Variants in IQCF5 observed in about 807,000 individuals in gnomAD.
The protein encoded by IQCF5 is IQ domain-containing protein F5.
Under a neutral mutation model 3.4 loss-of-function variants are expected in IQCF5, and 2 were observed. That is an observed-to-expected ratio of 0.58 (90% CI 0.24 to 1.84). The LOEUF is 1.84. IQCF5 is among the 40% of genes most tolerant of loss of function. The pLI is 0.17. For synonymous variants in IQCF5, 58 were observed against 64.7 expected, an observed-to-expected ratio of 0.90 and a Z score of 0.49; for missense variants, 167 against 191.6, an observed-to-expected ratio of 0.87 and a Z score of 0.76.
chr3:51,873,979 C>T lies in IQCF5; in HGVS notation c.201G>A (p.Gln67=), dbSNP rs1268545456. 1 of 1,552,200 alleles carries T rather than the reference C, an allele frequency of 6.4e-7. No individual in the cohort carries two copies. Among genetic ancestry groups the T allele is most frequent in the African/African-American group, 1.4e-5 (1 of 73,192 alleles). ...ACTGCAGCCTGACTGCTGCCCATTC[C>T]TGCTGCACATAGAACTCCAACACCA... ...RRMVLEFYVQ[Q]EWAAVRLQSW... Residue 67 remains glutamine (Q), a synonymous_variant, in exon 2 of 2, where the codon CAG becomes CAA. Coordinates refer to ENST00000446461, the MANE Select transcript of IQCF5 (RefSeq NM_001145059.2).
chr3:51,875,089 C>A (rs1698781500), intron 1 of IQCF5: 3 of 216,428 alleles, frequency 1.4e-5, no homozygotes, highest in Non-Finnish European at 2.8e-5. Context: ...TTAAGGCTCT[C>A]TGGACCCAGC....
intron 1 of IQCF5, chr3:51,874,707 A>C: frequency 6.7e-6 from 2 of 300,190 alleles, no homozygotes; most frequent in Non-Finnish European, 6.5e-6. Context: ...TGCACACTCC[A>C]CACACTAACA....
At chr3:51,875,235 A>C in intron 1 of IQCF5, 1 of 476,126 alleles carries the variant, frequency 2.1e-6, no homozygotes, top group Non-Finnish European at 3.8e-6. Flanking sequence ...TTTAATGATC[A>C]TTTAAAACAG....
In IQCF5 at chr3:51,874,171, T is replaced by C; in HGVS notation, c.9A>G (p.Pro3=). 6.5e-7 allele frequency: 1 copy of C among 1,550,114 alleles called. No homozygotes were observed. Among genetic ancestry groups the C allele is most frequent in the Non-Finnish European group, 8.7e-7 (1 of 1,145,802 alleles). Residue 3 remains proline (P), a synonymous_variant, in exon 2 of 2, where the codon CCA becomes CCG. Transcript: ENST00000446461. MG[P]EEKTIMTERS... Reference sequence around the variant, plus strand: ...TTTCTGTCATGATGGTCTTCTCTTCTGGGCCTTACAAGAGAAAACAGACAC... The same window carrying C: ...TTTCTGTCATGATGGTCTTCTCTTCCGGGCCTTACAAGAGAAAACAGACAC...
chr3:51,875,286 G>A lies in IQCF5; in HGVS notation c.4+242C>T, dbSNP rs572475338. 7.7e-5 allele frequency: 44 copies of A among 572,652 alleles called. 1 individual carries two copies. In the South Asian group the frequency reaches 8.9e-4, roughly 12 times the overall value. 35.5% of individuals were successfully genotyped at this position (572,652 alleles called of 1,614,324 possible). A position where few individuals can be genotyped will look rare whatever the true frequency, so the allele number is the denominator to read the frequency against. ...GAATCAGAGTGTATGGGGGGAAATA[G>A]GGAAGAAAGTGAAAGGTGCTCTCCC... On this transcript the variant is annotated intron_variant, in intron 1 of 1. Transcript: ENST00000446461.
chr3:51,875,122 G>A (rs1698782106), intron 1 of IQCF5: 1 of 243,142 alleles, frequency 4.1e-6, no homozygotes, highest in African/African-American at 2.2e-5. Context: ...TGTGGGTAAG[G>A]GTGTGGCCTG....
At position 51,873,870 on chromosome 3, in the gene IQCF5, G is replaced by T; in HGVS notation, c.310C>A (p.His104Asn). 1 of 1,551,768 alleles carries T rather than the reference G, an allele frequency of 6.4e-7. No individual in the cohort carries two copies. Among genetic ancestry groups the T allele is most frequent in the African/African-American group, 1.4e-5 (1 of 73,184 alleles). The change falls in exon 2 of 2, where the codon CAC (histidine) becomes AAC (asparagine). Residue 104 changes from histidine (H) to asparagine (N), a missense_variant. Coordinates refer to ENST00000446461, the MANE Select transcript of IQCF5 (RefSeq NM_001145059.2). ...ATAAAGACACGGGAATGGCAGCTGT[G>T]CCAGCGCCAATAGACCTGGATGATG... ...VRIIQVYWRW[H>N]SCHSRVFIEG...
In IQCF5 at chr3:51,875,576, C is replaced by A. The variant is rs548268280; in HGVS notation, c.-45G>T. ...CCATCACCCTCCGGCCCGCACTCCT[C>A]CGATCAGGACTCCAACAGGAAGAGT... On this transcript the variant is annotated 5_prime_UTR_variant, in exon 1 of 2. Transcript: ENST00000446461. 4 of 1,551,450 alleles carry A rather than the reference C, an allele frequency of 2.6e-6. No individual in the cohort carries two copies. In the East Asian group the frequency reaches 7.3e-5, roughly 28 times the overall value.
In IQCF5 at chr3:51,873,855, G is replaced by A. The variant is rs147923543; in HGVS notation, c.325C>T (p.Arg109Cys). 10 of 1,551,718 alleles carry A rather than the reference G, an allele frequency of 6.4e-6. No individual in the cohort carries two copies. Among genetic ancestry groups the A allele is most frequent in the African/African-American group, 1.4e-5 (1 of 73,172 alleles). The change falls in exon 2 of 2, where the codon CGT (arginine) becomes TGT (cysteine). Residue 109 changes from arginine to cysteine, a missense_variant. Physicochemically the swap from Arg to Cys is radical, Grantham distance 180. Coordinates refer to ENST00000446461, the MANE Select transcript of IQCF5 (RefSeq NM_001145059.2). Reference sequence around the variant, plus strand: ...TCATAGTGGCCCTCAATAAAGACACGGGAATGGCAGCTGTGCCAGCGCCAA... The same window carrying A: ...TCATAGTGGCCCTCAATAAAGACACAGGAATGGCAGCTGTGCCAGCGCCAA... ...VYWRWHSCHS[R>C]VFIEGHYELK... is the part of the protein sequence containing the mutation.
At position 51,875,585 on chromosome 3, in the gene IQCF5, A is replaced by G; in HGVS notation, c.-54T>C. 1.9e-6 allele frequency: 3 copies of G among 1,549,716 alleles called. No homozygotes were observed. The highest frequency in any genetic ancestry group is 2.6e-6 in the Non-Finnish European group (3 of 1,145,204). On this transcript the variant is annotated 5_prime_UTR_variant, in exon 1 of 2. Transcript: ENST00000446461. ...TCCGGCCCGCACTCCTCCGATCAGG[A>G]CTCCAACAGGAAGAGTGGAGGAAGG...
rs1349677071 is a variant in IQCF5, at chr3:51,874,112, C to T, written c.68G>A (p.Arg23Gln). ...SAAVFIQAWW[R>Q]GMLVRRTLLH... ...CAGTGTGCGTCGCACCAGCATGCCC[C>T]GCCACCAGGCCTGGATGAAAACAGC... The change falls in exon 2 of 2, where the codon CGG (arginine) becomes CAG (glutamine). Residue 23 changes from arginine (R) to glutamine (Q), a missense_variant. Arg to Gln is a conservative substitution (Grantham distance 43, BLOSUM62 1). Transcript: ENST00000446461. The T allele has an allele frequency of 5.8e-6, 9 of 1,552,400 alleles. No individual in the cohort carries two copies. The highest frequency in any genetic ancestry group is 1.4e-5 in the African/African-American group (1 of 73,070).
intron 1 of IQCF5, chr3:51,874,392 A>G (rs977750607): frequency 1.4e-6 from 1 of 695,370 alleles, no homozygotes. Context: ...AAATAGGTGT[A>G]CATCTGCCCT....
At position 51,875,599 on chromosome 3, in the gene IQCF5, A is replaced by T; in HGVS notation, c.-68T>A. The T allele has an allele frequency of 1.3e-6, 2 of 1,539,046 alleles. No homozygotes were observed. Among genetic ancestry groups the T allele is most frequent in the East Asian group, 4.9e-5 (2 of 40,874 alleles). ...CTCCGATCAGGACTCCAACAGGAAGAGTGGAGGAAGGGCGGGACCTGTGAT... is the reference window on the plus strand; with the variant it reads ...CTCCGATCAGGACTCCAACAGGAAGTGTGGAGGAAGGGCGGGACCTGTGAT... On this transcript the variant is annotated 5_prime_UTR_variant, in exon 1 of 2. Coordinates refer to ENST00000446461, the MANE Select transcript of IQCF5 (RefSeq NM_001145059.2).
intron 1 of IQCF5, 129 bp downstream of exon 1, chr3:51,875,399 C>A: frequency 1.0e-6 from 1 of 986,138 alleles, no homozygotes; most frequent in South Asian, 1.4e-5. Flanking sequence ...GAGGGGGGTC[C>A]TGTCATGAGT....
rs928655140 is a variant in IQCF5 at position 51,873,777 on chromosome 3, C to A, written c.403G>T (p.Ala135Ser). 6.4e-7 allele frequency: 1 copy of A among 1,551,722 alleles called. No homozygotes were observed. Among genetic ancestry groups the A allele is most frequent in the Non-Finnish European group, 8.7e-7 (1 of 1,146,984 alleles). ...IQLEISLGLQ[A>S]CKVQQCIPLP... Reference sequence around the variant, plus strand: ...GGTATGCATTGTTGCACCTTACAAGCCTGTAAGCCCAAAGAGATTTCAAGT... The same window carrying A: ...GGTATGCATTGTTGCACCTTACAAGACTGTAAGCCCAAAGAGATTTCAAGT... The change falls in exon 2 of 2, where the codon GCT (alanine) becomes TCT (serine). Residue 135 changes from alanine to serine, a missense_variant. Transcript: ENST00000446461.
chr3:51,874,007 C>G lies in IQCF5; in HGVS notation c.173G>C (p.Arg58Thr), dbSNP rs749512461. ...VLEKLLAKRR[R>T]MVLEFYVQQE... ...CTGCACATAGAACTCCAACACCATC[C>G]TCCGCCTCTTTGCCAGCAGCTTCTC... Residue 58 changes from arginine (R) to threonine (T), a missense_variant, in exon 2 of 2, where the codon AGG (arginine) becomes ACG (threonine). By Grantham distance (71) the Arg-to-Thr change is moderately conservative. Coordinates refer to ENST00000446461, the MANE Select transcript of IQCF5 (RefSeq NM_001145059.2). 6.4e-7 allele frequency: 1 copy of G among 1,552,530 alleles called. No individual in the cohort carries two copies. Among genetic ancestry groups the G allele is most frequent in the Non-Finnish European group, 8.7e-7 (1 of 1,147,362 alleles).
chr3:51,873,999 A>G lies in IQCF5; in HGVS notation c.181T>C (p.Leu61=). Residue 61 remains leucine, a synonymous_variant, in exon 2 of 2, where the codon TTG becomes CTG. Transcript: ENST00000446461. ...CATTCCTGCTGCACATAGAACTCCA[A>G]CACCATCCTCCGCCTCTTTGCCAGC... ...KLLAKRRRMV[L]EFYVQQEWAA... 3.2e-6 allele frequency: 5 copies of G among 1,552,372 alleles called. No homozygotes were observed. The highest frequency in any genetic ancestry group is 4.4e-6 in the Non-Finnish European group (5 of 1,147,276).
chr3:51,875,231 G>T, intron 1 of IQCF5: 8 of 380,670 alleles, frequency 2.1e-5, no homozygotes, highest in Admixed American at 3.7e-5. Context: ...TATGTTTAAT[G>T]ATCATTTAAA....
chr3:51,873,915 G>A lies in IQCF5; in HGVS notation c.265C>T (p.Arg89Cys), dbSNP rs1179339007. The change falls in exon 2 of 2, where the codon CGT becomes TGT. Residue 89 changes from arginine (R) to cysteine (C), a missense_variant. Coordinates refer to ENST00000446461, the MANE Select transcript of IQCF5 (RefSeq NM_001145059.2). ...ATGATGCGGACAGCGTTGAGCAAAC[G>A]ACAGTAACGCTGGCGGACACACCAC... ...RMWCVRQRYC[R>C]LLNAVRIIQV... 8 of 1,551,680 alleles carry A rather than the reference G, an allele frequency of 5.2e-6. No individual in the cohort carries two copies. Among genetic ancestry groups the A allele is most frequent in the Admixed American group, 2.0e-5 (1 of 50,992 alleles).
Sources: allele counts gnomAD v4.1 joint callset, GRCh38; gene constraint gnomAD v4.1.1; transcripts MANE v1.5; gene names NCBI Gene and HGNC (gene_info 2026-07-23, HGNC 2026-07-21).